Variants in WHRN observed in about 807,000 individuals in gnomAD.
WHRN encodes the protein whirlin.
A neutral mutation model predicts 68.3 loss-of-function variants in WHRN; 41 were observed. The ratio of observed to expected loss-of-function variants is 0.60; its 90% CI spans 0.47 to 0.78. The LOEUF is 0.78. Ranked by LOEUF, WHRN falls within the 30% of genes least tolerant of loss-of-function variation. The pLI is 0.00. For missense variants in WHRN, 1,243 were observed against 1,244.7 expected, an observed-to-expected ratio of 1.00 and a Z score of 0.02; for synonymous variants, 560 against 561.3, an observed-to-expected ratio of 1.00 and a Z score of 0.03.
At chr9:114,412,357 A>G (rs1443872550) in intron 7 of WHRN, among the ~76,000 whole-genome samples, 1 of 152,094 alleles carries the variant, frequency 6.6e-6, no homozygotes, top group Admixed American at 6.5e-5. Flanking sequence ...CCACCCACAC[A>G]CAATCACAGC....
chr9:114,495,744 C>A (rs917324523), intron 1 of WHRN, among the ~76,000 whole-genome samples: 3 of 151,902 alleles, frequency 2.0e-5, no homozygotes, highest in African/African-American at 7.3e-5. Context: ...TCAAGAGAGT[C>A]AGGGAAAATT....
At chr9:114,466,476 C>G (rs1323518389) in intron 2 of WHRN, 84 bp from the exon 3 acceptor site, 1 of 1,586,992 alleles carries the variant, frequency 6.3e-7, no homozygotes, top group Non-Finnish European at 8.6e-7. Flanking sequence ...CCCTCTCGTA[C>G]TTTGAAGAGC....
At chr9:114,500,320 T>C (rs913173492) in intron 1 of WHRN, among the ~76,000 whole-genome samples, 2 of 152,210 alleles carry the variant, frequency 1.3e-5, no homozygotes, top group African/African-American at 4.8e-5. Flanking sequence ...GGGCAGAAGC[T>C]ACATTTCAGA....
At chr9:114,489,617 A>T (rs1842820239) in intron 1 of WHRN, among the ~76,000 whole-genome samples, 1 of 152,182 alleles carries the variant, frequency 6.6e-6, no homozygotes, top group Non-Finnish European at 1.5e-5. Flanking sequence ...TTTTGACTTA[A>T]GTAAGAATCT....
At chr9:114,448,252 T>C (rs1487892118) in intron 3 of WHRN, among the ~76,000 whole-genome samples, 1 of 152,012 alleles carries the variant, frequency 6.6e-6, no homozygotes, top group Non-Finnish European at 1.5e-5. Context: ...CAAAGAAACA[T>C]GCAGGGAAGA....
intron 7 of WHRN, among the ~76,000 whole-genome samples, chr9:114,417,288 T>C (rs570691349): frequency 2.2e-4 from 33 of 152,340 alleles, no homozygotes; most frequent in Non-Finnish European, 3.1e-4. Flanking sequence ...TCAGGCTAAA[T>C]GGAAACTGGC....
At chr9:114,410,534 G>A (rs1465690051) in intron 7 of WHRN, among the ~76,000 whole-genome samples, 1 of 152,144 alleles carries the variant, frequency 6.6e-6, no homozygotes, top group African/African-American at 2.4e-5. Context: ...GGGACAGAAG[G>A]CACTCCTGAC....
intron 2 of WHRN, among the ~76,000 whole-genome samples, chr9:114,476,744 G>C (rs865987379): frequency 2.2e-4 from 33 of 152,030 alleles, no homozygotes; most frequent in African/African-American, 7.5e-4. Flanking sequence ...TTGCTGGCTG[G>C]GCTGTGGTTG....
intron 2 of WHRN, among the ~76,000 whole-genome samples, chr9:114,477,459 GT>G (rs1017903299): frequency 6.6e-6 from 1 of 152,180 alleles, no homozygotes; most frequent in Non-Finnish European, 1.5e-5. Flanking sequence ...TCAAGAAACA[GT>G]ACAGGTCTGG....
chr9:114,445,213 T>C (rs2132636533), intron 3 of WHRN, among the ~76,000 whole-genome samples: 1 of 152,178 alleles, frequency 6.6e-6, no homozygotes. Flanking sequence ...AGCTAATTTT[T>C]GTATTTTTAG....
rs188491521 is a variant in WHRN, at chr9:114,462,660, T to C, written c.963+3607A>G. Reference sequence around the variant, plus strand: ...AGGACTGACAGGCGCTATACCATAGTAGTTAAGAACGTGGACTCAGAGTTT... The same window carrying C: ...AGGACTGACAGGCGCTATACCATAGCAGTTAAGAACGTGGACTCAGAGTTT... On this transcript the variant is annotated intron_variant, in intron 3 of 11. Transcript: ENST00000362057. Among the ~76,000 whole-genome samples, 453 of 152,352 alleles carry C rather than the reference T, an allele frequency of 3.0e-3. 1 individual carries two copies. The highest frequency in any genetic ancestry group is 5.5e-3 in the Non-Finnish European group (371 of 68,038).
rs571597026 is a variant in WHRN at position 114,426,383 on chromosome 9, G to A, written c.994C>T (p.Arg332Trp). ...VGDQILEVNG[R>W]SFLNILHDEA... ...TCGTGTAGGATGTTGAGAAAGCTCCGCCCATTCACTTCTAGAATCTGGTCC... is the reference window on the plus strand; with the variant it reads ...TCGTGTAGGATGTTGAGAAAGCTCCACCCATTCACTTCTAGAATCTGGTCC... Residue 332 changes from arginine to tryptophan, a missense_variant, in exon 4 of 12, where the codon CGG (arginine) becomes TGG (tryptophan). Arg to Trp is a moderately radical substitution (Grantham distance 101). Coordinates refer to ENST00000362057, the MANE Select transcript of WHRN (RefSeq NM_015404.4). The A allele has an allele frequency of 1.5e-5, 25 of 1,613,558 alleles. No homozygotes were observed. The South Asian group carries it at 2.0e-4, about 13-fold the overall frequency.
intron 3 of WHRN, among the ~76,000 whole-genome samples, chr9:114,465,739 C>T (rs771148785): frequency 2.4e-4 from 36 of 152,208 alleles, no homozygotes; most frequent in Non-Finnish European, 4.4e-4. Context: ...TCAGTTTAAC[C>T]TATGTCTCAG....
rs7030000 is a variant in WHRN at position 114,451,310 on chromosome 9, G to A, written c.963+14957C>T. 2.1e-3 allele frequency among the ~76,000 whole-genome samples: 324 copies of A among 152,234 alleles called. 1 individual carries two copies. The highest frequency in any genetic ancestry group is 7.2e-3 in the African/African-American group (301 of 41,528). On this transcript the variant is annotated intron_variant, in intron 3 of 11. Coordinates refer to ENST00000362057, the MANE Select transcript of WHRN (RefSeq NM_015404.4). ...CCTGCCTTTGAATCACAGCTTCTCT[G>A]CCAACTAAAAATATGTTTTGGGGCA...
At chr9:114,487,052 CAA>C (rs79611133) in intron 1 of WHRN, among the ~76,000 whole-genome samples, 55,609 of 117,402 alleles carry the variant, frequency 0.47, 14,950 homozygotes, top group East Asian at 0.63. Flanking sequence ...TAAGAGATAC[CAA>C]AAAAAAAAAA....
At chr9:114,406,242 C>T in intron 9 of WHRN, 113 bp downstream of exon 9, 13 of 1,479,966 alleles carry the variant, frequency 8.8e-6, no homozygotes, top group Non-Finnish European at 1.2e-5. Context: ...CACTCTGGCC[C>T]TGAGCCCCCT....
intron 3 of WHRN, among the ~76,000 whole-genome samples, chr9:114,449,684 T>C (rs1333950232): frequency 6.6e-6 from 1 of 152,136 alleles, no homozygotes; most frequent in African/African-American, 2.4e-5. Context: ...TCACTCAGCC[T>C]GTGGCAGGTT....
intron 7 of WHRN, among the ~76,000 whole-genome samples, chr9:114,417,725 C>G (rs3748175): frequency 6.6e-6 from 1 of 152,010 alleles, no homozygotes; most frequent in Admixed American, 6.6e-5. Context: ...GTAGACCACA[C>G]AGCGGCACTT....
intron 3 of WHRN, among the ~76,000 whole-genome samples, chr9:114,434,079 C>T (rs1250583392): frequency 6.6e-6 from 1 of 152,210 alleles, no homozygotes; most frequent in Non-Finnish European, 1.5e-5. Flanking sequence ...AAAGGAAAAT[C>T]TGGCTTCCAA....
Sources: gnomAD v4.1 joint callset for allele counts (sites outside exome capture counted in the v4.1 genomes callset) on GRCh38, gnomAD v4.1.1 for gene constraint, MANE v1.5 for transcripts, NCBI Gene and HGNC (gene_info 2026-07-23, HGNC 2026-07-21) for gene names.